The following TMEM38B variants were observed in gnomAD, a reference collection of about 807,000 sequenced individuals.
The protein encoded by TMEM38B is trimeric intracellular cation channel type B.
TMEM38B carries 24 observed loss-of-function variants against 28.7 expected under a neutral mutation model. The ratio of observed to expected loss-of-function variants is 0.84; its 90% CI spans 0.61 to 1.18. The LOEUF (loss-of-function observed/expected upper bound fraction) is 1.18, where lower values mean the gene tolerates loss of function less well. Among genes scored for constraint, TMEM38B ranks in the 50% most tolerant of loss-of-function variants. The pLI is 0.00. For missense variants in TMEM38B, 380 were observed against 350.9 expected (o/e 1.08, Z -0.66); for synonymous variants, 131 against 127.7 (o/e 1.03, Z -0.17).
At chr9:105,756,860 T>C (rs1027277847) in intron 5 of TMEM38B, among the ~76,000 whole-genome samples, 2 of 152,346 alleles carry the variant, frequency 1.3e-5, no homozygotes, top group South Asian at 4.1e-4. Context: ...CCCATTTAGA[T>C]TTTACTGATA....
At chr9:105,759,212 T>C (rs1157155392) in intron 5 of TMEM38B, 1 of 720,876 alleles carries the variant, frequency 1.4e-6, no homozygotes. Context: ...TTGAATATTA[T>C]GAATTATTTG....
At chr9:105,714,098 G>A (rs1005063313) in intron 2 of TMEM38B, among the ~76,000 whole-genome samples, 2 of 128,980 alleles carry the variant, frequency 1.6e-5, no homozygotes, top group African/African-American at 3.3e-5. Context: ...GTTGAGAGCC[G>A]AGCACTTGTT....
chr9:105,695,733 T>C (rs577135941), intron 1 of TMEM38B, among the ~76,000 whole-genome samples: 3 of 152,210 alleles, frequency 2.0e-5, no homozygotes, highest in Non-Finnish European at 4.4e-5. Context: ...AGGATGATGC[T>C]GTATCTTTCT....
intron 2 of TMEM38B, among the ~76,000 whole-genome samples, chr9:105,716,263 AG>A (rs1836092518): frequency 6.6e-6 from 1 of 152,132 alleles, no homozygotes; most frequent in Non-Finnish European, 1.5e-5. Context: ...CAGTTTCAAA[AG>A]CTTAAAGCTC....
intron 5 of TMEM38B, among the ~76,000 whole-genome samples, chr9:105,753,835 T>G (rs1306720511): frequency 6.6e-6 from 1 of 152,134 alleles, no homozygotes; most frequent in African/African-American, 2.4e-5. Context: ...TAAATATAAA[T>G]GGGCTAGAGG....
intron 1 of TMEM38B, among the ~76,000 whole-genome samples, chr9:105,696,337 G>A (rs1238962629): frequency 6.6e-6 from 1 of 152,172 alleles, no homozygotes; most frequent in Non-Finnish European, 1.5e-5. Flanking sequence ...CCAGGCTGAA[G>A]TGCAGTGGCG....
At chr9:105,763,840 C>T (rs1246910454) in intron 5 of TMEM38B, among the ~76,000 whole-genome samples, 1 of 151,316 alleles carries the variant, frequency 6.6e-6, no homozygotes, top group Non-Finnish European at 1.5e-5. Flanking sequence ...CAGTAAAATA[C>T]TGGCAAACCG....
intron 1 of TMEM38B, among the ~76,000 whole-genome samples, chr9:105,703,470 C>G (rs1230343596): frequency 6.6e-6 from 1 of 152,118 alleles, no homozygotes; most frequent in Non-Finnish European, 1.5e-5. Context: ...GGGTTGGTTC[C>G]AAGTCTTTGC....
intron 2 of TMEM38B, among the ~76,000 whole-genome samples, chr9:105,717,240 TTCA>T (rs1301937218): frequency 1.3e-5 from 2 of 152,170 alleles, no homozygotes; most frequent in East Asian, 3.8e-4. Context: ...TATCTTCAAC[TTCA>T]TGATGCCCAG....
chr9:105,758,865 C>T, intron 5 of TMEM38B: 2 of 1,014,710 alleles, frequency 2.0e-6, no homozygotes, highest in Non-Finnish European at 3.1e-6. Flanking sequence ...TAATAGAAAA[C>T]TAAGCCAGGA....
At chr9:105,773,818 CAG>C (rs763342897) in intron 5 of TMEM38B, 45 bp from the exon 6 acceptor site, 46 of 1,555,820 alleles carry the variant, frequency 3.0e-5, no homozygotes, top group Non-Finnish European at 4.0e-5. Flanking sequence ...TCTTGAGAAA[CAG>C]AAATCATTTG....
chr9:105,748,816 G>A (rs1354057545), intron 5 of TMEM38B, among the ~76,000 whole-genome samples: 3 of 152,066 alleles, frequency 2.0e-5, no homozygotes. Context: ...TACGAATTTT[G>A]TTTGCAGCTG....
chr9:105,736,295 T>G (rs1478956565), intron 4 of TMEM38B, among the ~76,000 whole-genome samples: 1 of 152,188 alleles, frequency 6.6e-6, no homozygotes, highest in African/African-American at 2.4e-5. Flanking sequence ...TTTACTCTTT[T>G]TCATTCTTTT....
intron 5 of TMEM38B, among the ~76,000 whole-genome samples, chr9:105,761,002 C>A (rs987266899): frequency 2.0e-5 from 3 of 152,158 alleles, no homozygotes; most frequent in Non-Finnish European, 4.4e-5. Context: ...TCCAGTAAGG[C>A]TATCATGATA....
intron 3 of TMEM38B, 87 bp downstream of exon 3, chr9:105,721,808 G>GT: frequency 2.0e-6 from 2 of 1,022,206 alleles, no homozygotes; most frequent in Non-Finnish European, 2.8e-6. Context: ...TTACATTAAT[G>GT]GATCACATAC....
At chr9:105,747,469 T>C (rs1443750941) in intron 4 of TMEM38B, among the ~76,000 whole-genome samples, 1 of 152,180 alleles carries the variant, frequency 6.6e-6, no homozygotes, top group Non-Finnish European at 1.5e-5. Context: ...TTCTCTCTTT[T>C]CTTCTTTATT....
At chr9:105,734,069 GTTAT>G (rs1185892253) in intron 4 of TMEM38B, among the ~76,000 whole-genome samples, 4 of 151,260 alleles carry the variant, frequency 2.6e-5, no homozygotes, top group Non-Finnish European at 4.4e-5. Context: ...TTTTAATGTA[GTTAT>G]TTATTGCTAT....
chr9:105,701,316 G>A (rs1322249045), intron 1 of TMEM38B: 1 of 152,186 alleles, frequency 6.6e-6, no homozygotes, highest in African/African-American at 2.4e-5. Flanking sequence ...GACCCGGTCA[G>A]TGTAATGTCA....
intron 4 of TMEM38B, among the ~76,000 whole-genome samples, chr9:105,737,284 C>CA (rs931940387): frequency 1.3e-5 from 2 of 152,094 alleles, no homozygotes; most frequent in African/African-American, 4.8e-5. Flanking sequence ...GGGGGCAGGG[C>CA]ACAGAACTGG....
Sources: allele counts gnomAD v4.1 joint callset (sites outside exome capture counted in the v4.1 genomes callset), GRCh38; gene constraint gnomAD v4.1.1; transcripts MANE v1.5; gene names NCBI Gene and HGNC (gene_info 2026-07-23, HGNC 2026-07-21).